The following ZP4 variants were observed in gnomAD, a reference collection of about 807,000 sequenced individuals.
The protein encoded by ZP4 is zona pellucida sperm-binding protein 4.
Under a neutral mutation model 62.3 loss-of-function variants are expected in ZP4, and 62 were observed. That is an observed-to-expected ratio of 0.99 (90% CI 0.81 to 1.23). ZP4 has a LOEUF of 1.23. ZP4 is among the 50% of genes most tolerant of loss of function. The pLI, the probability that ZP4 is intolerant of heterozygous loss-of-function variation, is 0.00. For missense variants in ZP4, 774 were observed against 656.0 expected (o/e 1.18, Z -1.97); for synonymous variants, 289 against 247.3 (o/e 1.17, Z -1.58).
Position 237,890,035 on chromosome 1 carries a change from G to A in ZP4, c.297+20C>T, listed in dbSNP as rs1206107626. 1.9e-6 allele frequency: 3 copies of A among 1,613,982 alleles called. No individual in the cohort carries two copies. Among genetic ancestry groups the A allele is most frequent in the East Asian group, 4.5e-5 (2 of 44,868 alleles). The stretch of plus-strand genomic sequence containing the variant: ...ATGAGGCGCTTCACACAGTCTCCCT[G>A]GCCATTGGGTCATACTCACCCACTC... On this transcript the variant is annotated intron_variant, in intron 2 of 11. Transcript: ENST00000366570.
At position 237,882,751 on chromosome 1, in the gene ZP4, C is replaced by T; in HGVS notation, c.1486G>A (p.Glu496Lys). The change falls in exon 11 of 12, where the codon GAA becomes AAA. Residue 496 changes from glutamate (E) to lysine (K), a missense_variant. Physicochemically the swap from Glu to Lys is moderately conservative, Grantham distance 56 (BLOSUM62 1). Coordinates refer to ENST00000366570, the MANE Select transcript of ZP4 (RefSeq NM_021186.5). The stretch of plus-strand genomic sequence containing the variant: ...CCTCTTGGATACTTACGGAGCTTTT[C>T]TGGAGGGTCCTTAGTGGCTTGGAGT... ...ILLQATKDPP[E>K]KLRVPVDSKV... The T allele has an allele frequency of 2.5e-6, 4 of 1,614,096 alleles. No individual in the cohort carries two copies. The highest frequency in any genetic ancestry group is 3.4e-6 in the Non-Finnish European group (4 of 1,179,992).
In ZP4 at chr1:237,889,924, C is replaced by A; in HGVS notation, c.343G>T (p.Ala115Ser). The change falls in exon 3 of 12, where the codon GCT (alanine) becomes TCT (serine). Residue 115 changes from alanine (A) to serine (S), a missense_variant. Ala to Ser is a moderately conservative substitution (Grantham distance 99). Coordinates refer to ENST00000366570, the MANE Select transcript of ZP4 (RefSeq NM_021186.5). ...CTCTCTGTAACCACCTTGTGTTCAG[C>A]CGCGCCTGCTCCTTCAACTCCAACT... ...MPVGVEGAGA[A>S]EHKVVTERKL... is the part of the protein sequence containing the mutation. 2 of 1,614,040 alleles carry A rather than the reference C, an allele frequency of 1.2e-6. No homozygotes were observed. Among genetic ancestry groups the A allele is most frequent in the Non-Finnish European group, 1.7e-6 (2 of 1,180,008 alleles).
Position 237,883,967 on chromosome 1 carries a change from AACACAC to A in ZP4, c.1390+796_1390+801del, listed in dbSNP as rs201363836. ...AGAGCAAGAACTGGTCACACACACAAACACACACACACACAAACACACACACACACA... is the reference window on the plus strand; with the variant it reads ...AGAGCAAGAACTGGTCACACACACAAACACACACAAACACACACACACACA... On this transcript the variant is annotated intron_variant, in intron 10 of 11. Coordinates refer to ENST00000366570, the MANE Select transcript of ZP4 (RefSeq NM_021186.5). Among the ~76,000 whole-genome samples, 42 of 86,560 alleles carry A rather than the reference AACACAC, an allele frequency of 4.9e-4. 1 individual carries two copies. Among genetic ancestry groups the A allele is most frequent in the Middle Eastern group, 6.4e-3 (1 of 156 alleles). 56.8% of individuals were successfully genotyped at this position (86,560 alleles called of 152,430 possible). A position where few individuals can be genotyped will look rare whatever the true frequency, so the allele number is the denominator to read the frequency against.
intron 9 of ZP4, among the ~76,000 whole-genome samples, 155 bp from the exon 10 acceptor site, chr1:237,885,002 T>A (rs1665061331): frequency 6.6e-6 from 1 of 152,224 alleles, no homozygotes; most frequent in African/African-American, 2.4e-5. Flanking sequence ...GGAGTCCAGT[T>A]GACAGATGTC....
intron 9 of ZP4, 72 bp downstream of exon 9, chr1:237,885,093 T>A: frequency 6.4e-7 from 1 of 1,567,060 alleles, no homozygotes; most frequent in Non-Finnish European, 8.6e-7. Flanking sequence ...TGCAGAGTAG[T>A]AGGACATGGA....
Position 237,890,071 on chromosome 1 carries a change from C to G in ZP4, c.281G>C (p.Cys94Ser). 1 of 1,614,174 alleles carries G rather than the reference C, an allele frequency of 6.2e-7. No homozygotes were observed. Among genetic ancestry groups the G allele is most frequent in the Non-Finnish European group, 8.5e-7 (1 of 1,180,034 alleles). ...CATACTCACCCACTCAGTGACATAG[C>G]AGCTGCTATAGGTTGCCTCCAACAC... Reference protein sequence around the residue: ...SVVLEATYSSCYVTEWDSHYI... With the variant: ...SVVLEATYSSSYVTEWDSHYI... Residue 94 changes from cysteine (C) to serine (S), a missense_variant, in exon 2 of 12, where the codon TGC (cysteine) becomes TCC (serine). Physicochemically the swap from Cys to Ser is moderately radical, Grantham distance 112. Coordinates refer to ENST00000366570, the MANE Select transcript of ZP4 (RefSeq NM_021186.5).
At chr1:237,890,210 C>A (rs1263003687) in intron 1 of ZP4, 34 bp from the exon 2 acceptor site, 2 of 1,612,600 alleles carry the variant, frequency 1.2e-6, no homozygotes. Context: ...GAAAACACAG[C>A]GGTCAGTCTC....
At chr1:237,887,323 A>G (rs1433031239) in intron 5 of ZP4, 51 bp downstream of exon 5, 2 of 1,594,908 alleles carry the variant, frequency 1.3e-6, no homozygotes, top group Admixed American at 1.7e-5. Flanking sequence ...ACTAGTCACT[A>G]CAACCTTCCC....
chr1:237,888,344 G>A lies in ZP4; in HGVS notation c.553+14C>T. Reference sequence around the variant, plus strand: ...CTTCCTCAGCTGGTTTCAGAGGTGTGCTCACTTACTCACCAGTGTTTCCAT... The same window carrying A: ...CTTCCTCAGCTGGTTTCAGAGGTGTACTCACTTACTCACCAGTGTTTCCAT... On this transcript the variant is annotated intron_variant, in intron 4 of 11. Coordinates refer to ENST00000366570, the MANE Select transcript of ZP4 (RefSeq NM_021186.5). 6 of 1,560,096 alleles carry A rather than the reference G, an allele frequency of 3.8e-6. No homozygotes were observed. The highest frequency in any genetic ancestry group is 5.2e-6 in the Non-Finnish European group (6 of 1,143,628).
chr1:237,888,001 G>A (rs1665145926), intron 4 of ZP4, among the ~76,000 whole-genome samples: 1 of 152,190 alleles, frequency 6.6e-6, no homozygotes, highest in Admixed American at 6.5e-5. Context: ...GAAAACCTCA[G>A]AGCAGGATTA....
At chr1:237,888,762 G>A (rs557231566) in intron 3 of ZP4, among the ~76,000 whole-genome samples, 132 of 152,278 alleles carry the variant, frequency 8.7e-4, no homozygotes, top group Non-Finnish European at 1.2e-3. Context: ...AACAAAATTG[G>A]TAGAAGCAGT....
At chr1:237,883,629 G>A (rs866791061) in intron 10 of ZP4, among the ~76,000 whole-genome samples, 93 of 5,274 alleles carry the variant, frequency 0.018, no homozygotes, top group South Asian at 0.045. Flanking sequence ...TGGGAGAGAG[G>A]GGGAGGGGGA....
At position 237,885,428 on chromosome 1, in the gene ZP4, G is replaced by T. The variant is rs543227687; in HGVS notation, c.1123C>A (p.Pro375Thr). Residue 375 changes from proline to threonine, a missense_variant, in exon 8 of 12, where the codon CCC becomes ACC. Coordinates refer to ENST00000366570, the MANE Select transcript of ZP4 (RefSeq NM_021186.5). ...ATGGGCCACTGTGGCTGACTCAGGG[G>T]GTCAGTGCTGGGTGTTGCCCAACAC... ...QQCWATPSTD[P>T]LSQPQWPILV... 4 of 1,613,294 alleles carry T rather than the reference G, an allele frequency of 2.5e-6. No individual in the cohort carries two copies. Among genetic ancestry groups the T allele is most frequent in the South Asian group, 2.2e-5 (2 of 90,976 alleles).
rs146820641 is a variant in ZP4, at chr1:237,890,128, G to T, written c.224C>A (p.Thr75Asn). Residue 75 changes from threonine to asparagine, a missense_variant, in exon 2 of 12, where the codon ACC becomes AAC. Physicochemically the swap from Thr to Asn is moderately conservative, Grantham distance 65 (BLOSUM62 0). Transcript: ENST00000366570. ...GCTGCCTGGACCTTTTCTTATCCAG[G>T]TGCCACAGTCGGAGTCATTCTGCAG... Reference protein sequence around the residue: ...HELQNDSDCGTWIRKGPGSSV... With the variant: ...HELQNDSDCGNWIRKGPGSSV... 22 of 1,613,984 alleles carry T rather than the reference G, an allele frequency of 1.4e-5. No individual in the cohort carries two copies. The highest frequency in any genetic ancestry group is 3.3e-5 in the Admixed American group (2 of 60,002).
chr1:237,886,887 A>G lies in ZP4; in HGVS notation c.742-19T>C, dbSNP rs1665116575. ...CAGTGATCTACAGGAATAGATGGAGAAGTCTTGATCATTTCTGTTAGTGTT... is the reference window on the plus strand; with the variant it reads ...CAGTGATCTACAGGAATAGATGGAGGAGTCTTGATCATTTCTGTTAGTGTT... On this transcript the variant is annotated intron_variant, in intron 5 of 11. Transcript: ENST00000366570. 6.2e-7 allele frequency: 1 copy of G among 1,603,068 alleles called. No homozygotes were observed. The highest frequency in any genetic ancestry group is 1.7e-5 in the Admixed American group (1 of 59,934).
Position 237,887,501 on chromosome 1 carries a change from G to A in ZP4, c.614C>T (p.Ser205Leu), listed in dbSNP as rs35921460. Reference protein sequence around the residue: ...FSIAVSRNVTSPPLLLDSVRL... With the variant: ...FSIAVSRNVTLPPLLLDSVRL... ...CACAGAATCCAAGAGCAGTGGTGGC[G>A]AGGTCACGTTCCGAGACACAGCAAT... The change falls in exon 5 of 12, where the codon TCG becomes TTG. Residue 205 changes from serine to leucine, a missense_variant. Physicochemically the swap from Ser to Leu is moderately radical, Grantham distance 145. Transcript: ENST00000366570. 8.7e-4 allele frequency: 1,397 copies of A among 1,614,182 alleles called. 8 individuals are homozygous for A. In the East Asian group the frequency reaches 0.022, roughly 26 times the overall value.
intron 3 of ZP4, among the ~76,000 whole-genome samples, chr1:237,889,391 TCAC>T (rs1665184449): frequency 6.7e-6 from 1 of 150,326 alleles, no homozygotes. Context: ...CGATCTCAGC[TCAC>T]CACAACCTCA....
At position 237,884,431 on chromosome 1, in the gene ZP4, C is replaced by A. The variant is rs960126237; in HGVS notation, c.1390+338G>T. ...CTTATAGATCTTTAGGCTGCATTGCCAGACCTGTCAAGCAGGTACAGACAT... is the reference window on the plus strand; with the variant it reads ...CTTATAGATCTTTAGGCTGCATTGCAAGACCTGTCAAGCAGGTACAGACAT... On this transcript the variant is annotated intron_variant, in intron 10 of 11. Transcript: ENST00000366570. 1.1e-4 allele frequency among the ~76,000 whole-genome samples: 16 copies of A among 152,260 alleles called. No homozygotes were observed. In the South Asian group the frequency reaches 2.9e-3, roughly 28 times the overall value.
At chr1:237,886,736 T>C (rs760117466) in intron 6 of ZP4, 35 bp downstream of exon 6, 6 of 1,567,460 alleles carry the variant, frequency 3.8e-6, no homozygotes, top group South Asian at 3.3e-5. Flanking sequence ...GCCCACCTTA[T>C]GGCAGATGGG....
Sources: allele counts gnomAD v4.1 joint callset (sites outside exome capture counted in the v4.1 genomes callset), GRCh38; gene constraint gnomAD v4.1.1; transcripts MANE v1.5; gene names NCBI Gene and HGNC (gene_info 2026-07-23, HGNC 2026-07-21).